APP: variants seen among roughly 807,000 people sequenced by gnomAD.
The protein encoded by APP is amyloid beta precursor protein.
In APP, 31 loss-of-function variants were observed where a neutral mutation model predicts 101.4. The observed-to-expected ratio is 0.31, with a 90% confidence interval of 0.23 to 0.41. APP has a LOEUF of 0.41. Ranked by LOEUF, APP falls within the 10% of genes least tolerant of loss-of-function variation. The probability of loss-of-function intolerance (pLI) is 1.00; values close to 1 mark genes in which losing one functional copy is unlikely to be tolerated. For missense variants in APP, 839 were observed against 1,003.7 expected, an observed-to-expected ratio of 0.84 and a Z score of 2.22; for synonymous variants, 366 against 364.4, an observed-to-expected ratio of 1.00 and a Z score of -0.05.
intron 8 of APP, among the ~76,000 whole-genome samples, chr21:25,982,857 T>C (rs1409699536): frequency 6.6e-6 from 1 of 152,226 alleles, no homozygotes; most frequent in Non-Finnish European, 1.5e-5. Flanking sequence ...GATGATATCA[T>C]CAATATCATA....
At chr21:25,962,887 A>G (rs927448528) in intron 11 of APP, among the ~76,000 whole-genome samples, 2 of 152,072 alleles carry the variant, frequency 1.3e-5, no homozygotes, top group African/African-American at 2.4e-5. Context: ...ACCTCAACTC[A>G]CTGCAACCTC....
At chr21:26,005,912 G>A (rs28504365) in intron 6 of APP, among the ~76,000 whole-genome samples, 2,111 of 151,982 alleles carry the variant, frequency 0.014, 51 homozygotes, top group African/African-American at 0.048. Context: ...AATTAAAACC[G>A]TATCTTCAAA....
chr21:26,150,337 T>C (rs1366457909), intron 1 of APP, among the ~76,000 whole-genome samples: 1 of 152,122 alleles, frequency 6.6e-6, no homozygotes, highest in Non-Finnish European at 1.5e-5. Context: ...TCTAGTGGTC[T>C]CTCCAGGGAT....
chr21:26,076,611 T>G (rs528260202), intron 3 of APP, among the ~76,000 whole-genome samples: 3 of 152,244 alleles, frequency 2.0e-5, no homozygotes, highest in Non-Finnish European at 4.4e-5. Flanking sequence ...TAATTTTATA[T>G]TTGTATAATC....
intron 8 of APP, among the ~76,000 whole-genome samples, chr21:25,984,009 G>A (rs1028302716): frequency 3.3e-5 from 5 of 152,130 alleles, no homozygotes; most frequent in Admixed American, 1.3e-4. Context: ...ATAACATGCC[G>A]CAGGACATGA....
intron 8 of APP, among the ~76,000 whole-genome samples, chr21:25,984,402 T>G (rs2042560569): frequency 6.6e-6 from 1 of 152,172 alleles, no homozygotes; most frequent in Non-Finnish European, 1.5e-5. Context: ...TCAAAAAATG[T>G]TAGGTGTAGC....
intron 3 of APP, among the ~76,000 whole-genome samples, chr21:26,080,366 C>T (rs1312760014): frequency 2.0e-5 from 3 of 152,080 alleles, no homozygotes; most frequent in Non-Finnish European, 2.9e-5. Context: ...TAACCAAAGT[C>T]GCAGGTGATT....
chr21:26,074,131 A>G (rs17001670), intron 3 of APP, among the ~76,000 whole-genome samples: 3,649 of 152,304 alleles, frequency 0.024, 142 homozygotes, highest in African/African-American at 0.084. Context: ...GGTAGTTAAC[A>G]CTAAAAAAGA....
rs1346975277 is a variant in APP, at chr21:26,170,741, C to A, written c.-121G>T. 3.3e-5 allele frequency: 35 copies of A among 1,065,042 alleles called. No homozygotes were observed. The highest frequency in any genetic ancestry group is 4.2e-5 in the Non-Finnish European group (33 of 786,634). 66.0% of individuals were successfully genotyped at this position (1,065,042 alleles called of 1,614,324 possible). On this transcript the variant is annotated 5_prime_UTR_variant, in exon 1 of 18. Transcript: ENST00000346798. The stretch of plus-strand genomic sequence containing the variant: ...GCCCCCGCGCACGCTCCTCCGCGTG[C>A]TCTCGCCTACCGCTGCCGAGGAAAC...
intron 5 of APP, among the ~76,000 whole-genome samples, chr21:26,048,925 T>A (rs1009300252): frequency 6.6e-6 from 1 of 152,144 alleles, no homozygotes; most frequent in African/African-American, 2.4e-5. Flanking sequence ...ACGGTGGGAA[T>A]GAAAGCCTAG....
chr21:25,933,553 C>T (rs1247135540), intron 13 of APP, among the ~76,000 whole-genome samples: 1 of 152,162 alleles, frequency 6.6e-6, no homozygotes, highest in African/African-American at 2.4e-5. Flanking sequence ...ATTAATGAAC[C>T]TCCCTTTGTA....
chr21:26,134,783 T>C (rs2062861681), intron 1 of APP, among the ~76,000 whole-genome samples: 1 of 152,192 alleles, frequency 6.6e-6, no homozygotes, highest in Non-Finnish European at 1.5e-5. Flanking sequence ...GTCATCTCAT[T>C]AGCATATAAG....
chr21:25,894,075 C>T (rs2037870293), intron 16 of APP, among the ~76,000 whole-genome samples: 1 of 152,210 alleles, frequency 6.6e-6, no homozygotes, highest in Non-Finnish European at 1.5e-5. Context: ...ACTGGGATGA[C>T]AGCACATCTC....
intron 1 of APP, among the ~76,000 whole-genome samples, chr21:26,159,656 T>C (rs1290102917): frequency 6.6e-6 from 1 of 152,230 alleles, no homozygotes; most frequent in Non-Finnish European, 1.5e-5. Flanking sequence ...TAACTTCGCA[T>C]GTGATAATAA....
intron 5 of APP, among the ~76,000 whole-genome samples, chr21:26,026,201 A>G (rs923213719): frequency 6.6e-5 from 10 of 152,252 alleles, no homozygotes; most frequent in African/African-American, 2.4e-4. Flanking sequence ...TTGGCAACAT[A>G]GTGGAACATT....
At chr21:26,016,177 C>T (rs552639467) in intron 6 of APP, among the ~76,000 whole-genome samples, 27 of 152,136 alleles carry the variant, frequency 1.8e-4, no homozygotes, top group African/African-American at 5.8e-4. Context: ...ATTATGGGCA[C>T]GCGCCACCAT....
intron 15 of APP, among the ~76,000 whole-genome samples, chr21:25,903,562 GTCTTT>G (rs983271688): frequency 2.0e-5 from 3 of 152,106 alleles, no homozygotes; most frequent in African/African-American, 7.2e-5. Context: ...TGAAGAGCAT[GTCTTT>G]TAAAGAGAAG....
chr21:26,150,553 C>T (rs462225), intron 1 of APP, among the ~76,000 whole-genome samples: 5,062 of 150,260 alleles, frequency 0.034, 218 homozygotes, highest in East Asian at 0.21. Flanking sequence ...AATTTTTCTT[C>T]ATAGCACTGA....
At chr21:26,141,843 C>T (rs1274918658) in intron 1 of APP, among the ~76,000 whole-genome samples, 1 of 152,160 alleles carries the variant, frequency 6.6e-6, no homozygotes, top group Admixed American at 6.5e-5. Flanking sequence ...AAGGGTTTCA[C>T]AAATGAAGCA....
Sources: gnomAD v4.1 joint callset for allele counts (sites outside exome capture counted in the v4.1 genomes callset) on GRCh38, gnomAD v4.1.1 for gene constraint, MANE v1.5 for transcripts, NCBI Gene and HGNC (gene_info 2026-07-23, HGNC 2026-07-21) for gene names.